Variants in SEMA6D observed in about 807,000 individuals in gnomAD.
SEMA6D encodes the protein semaphorin-6D.
SEMA6D carries 35 observed loss-of-function variants against 106.6 expected under a neutral mutation model. The ratio of observed to expected loss-of-function variants is 0.33; its 90% CI spans 0.25 to 0.44. The LOEUF is 0.44. Among genes scored for constraint, SEMA6D ranks in the 20% least tolerant of loss-of-function variants. The pLI, the probability that SEMA6D is intolerant of heterozygous loss-of-function variation, is 1.00. For synonymous variants in SEMA6D, 499 were observed against 487.7 expected, an observed-to-expected ratio of 1.02 and a Z score of -0.31; for missense variants, 1,185 against 1,345.9, an observed-to-expected ratio of 0.88 and a Z score of 1.87.
chr15:47,762,230 A>C lies in SEMA6D; in HGVS notation c.569A>C (p.Asp190Ala), dbSNP rs749713210. The C allele has an allele frequency of 6.2e-7, 1 of 1,613,546 alleles. No individual in the cohort carries two copies. Reference sequence around the variant, plus strand: ...AAGCTGTATTCTGCCACAGTGGCTGACTTCTTGGCCAGCGATGCCGTTATT... The same window carrying C: ...AAGCTGTATTCTGCCACAGTGGCTGCCTTCTTGGCCAGCGATGCCGTTATT... ...DGKLYSATVA[D>A]FLASDAVIYR... Residue 190 changes from aspartate (D) to alanine (A), a missense_variant, in exon 8 of 19, where the codon GAC becomes GCC. Asp to Ala is a moderately radical substitution (Grantham distance 126). Transcript: ENST00000536845.
intron 2 of SEMA6D, among the ~76,000 whole-genome samples, chr15:47,438,528 C>T (rs2041790690): frequency 6.6e-6 from 1 of 152,034 alleles, no homozygotes; most frequent in Admixed American, 6.6e-5. Context: ...CTAAAATCTC[C>T]CACCCCCTAT....
chr15:47,333,954 T>A (rs1355847784), intron 1 of SEMA6D, among the ~76,000 whole-genome samples: 1 of 152,160 alleles, frequency 6.6e-6, no homozygotes, highest in African/African-American at 2.4e-5. Context: ...AAACCCTCAT[T>A]CCAGAGATAT....
At chr15:47,421,289 A>G (rs918110364) in intron 2 of SEMA6D, among the ~76,000 whole-genome samples, 5 of 152,074 alleles carry the variant, frequency 3.3e-5, no homozygotes, top group African/African-American at 1.2e-4. Context: ...AGCATTGGAT[A>G]TGACAAGAAA....
chr15:47,351,598 A>C (rs557899), intron 1 of SEMA6D, among the ~76,000 whole-genome samples: 72,680 of 151,950 alleles, frequency 0.48, 20,715 homozygotes, highest in South Asian at 0.62. Flanking sequence ...TCTTCCTAAC[A>C]AATAGGCTAG....
intron 9 of SEMA6D, 24 bp downstream of exon 9, chr15:47,763,128 A>G (rs2082151428): frequency 6.4e-6 from 10 of 1,563,442 alleles, no homozygotes; most frequent in Non-Finnish European, 8.8e-6. Flanking sequence ...TTTGGCTTGA[A>G]TTGTGGACTT....
chr15:47,544,662 A>C (rs1337407250), intron 3 of SEMA6D, among the ~76,000 whole-genome samples: 1 of 152,022 alleles, frequency 6.6e-6, no homozygotes, highest in Non-Finnish European at 1.5e-5. Flanking sequence ...GGAATCAGGA[A>C]ACCTTCTGGA....
At chr15:47,634,866 C>T (rs2077357288) in intron 4 of SEMA6D, among the ~76,000 whole-genome samples, 1 of 152,152 alleles carries the variant, frequency 6.6e-6, no homozygotes, top group African/African-American at 2.4e-5. Context: ...ACTGAAACCT[C>T]CTAGGGGATG....
chr15:47,289,000 G>T (rs999308935), intron 1 of SEMA6D, among the ~76,000 whole-genome samples: 2 of 152,176 alleles, frequency 1.3e-5, no homozygotes, highest in Non-Finnish European at 2.9e-5. Context: ...TGAAGGGCGG[G>T]AGGGTGGAGA....
chr15:47,611,101 C>A lies in SEMA6D; in HGVS notation c.-55+10205C>A, dbSNP rs373885373. 4.0e-5 allele frequency among the ~76,000 whole-genome samples: 6 copies of A among 151,794 alleles called. No individual in the cohort carries two copies. In the East Asian group the frequency reaches 7.8e-4, roughly 20 times the overall value. ...GAGGCAACAGCAAAGGCACCTGAGTCAAGGTTGCACATAATTGATTAGCCT... is the reference window on the plus strand; with the variant it reads ...GAGGCAACAGCAAAGGCACCTGAGTAAAGGTTGCACATAATTGATTAGCCT... On this transcript the variant is annotated intron_variant, in intron 4 of 19. Coordinates refer to the SEMA6D transcript ENST00000558014.
intron 1 of SEMA6D, among the ~76,000 whole-genome samples, chr15:47,408,818 C>T (rs755694040): frequency 6.6e-6 from 1 of 152,170 alleles, no homozygotes; most frequent in Non-Finnish European, 1.5e-5. Context: ...GAGGGCAGCT[C>T]GAAGGAAGCA....
intron 1 of SEMA6D, among the ~76,000 whole-genome samples, chr15:47,206,459 C>G (rs1226366803): frequency 6.6e-6 from 1 of 152,098 alleles, no homozygotes; most frequent in Non-Finnish European, 1.5e-5. Flanking sequence ...AAGTTCAAAA[C>G]TTTTTTATTC....
chr15:47,220,107 G>A (rs1336307876), intron 1 of SEMA6D, among the ~76,000 whole-genome samples: 2 of 152,252 alleles, frequency 1.3e-5, no homozygotes, highest in African/African-American at 2.4e-5. Context: ...ATATTCTGTT[G>A]GCCAAAACAA....
chr15:47,632,377 C>A (rs772065418), intron 4 of SEMA6D, among the ~76,000 whole-genome samples: 1 of 151,750 alleles, frequency 6.6e-6, no homozygotes, highest in Non-Finnish European at 1.5e-5. Flanking sequence ...TTCTATTAGT[C>A]CTGTCAGTTG....
At chr15:47,769,026 G>C (rs1217702247) in intron 18 of SEMA6D, among the ~76,000 whole-genome samples, 2 of 152,204 alleles carry the variant, frequency 1.3e-5, no homozygotes, top group African/African-American at 4.8e-5. Context: ...CAGAGAGCCT[G>C]CTGGATTTCA....
At chr15:47,237,269 G>A (rs892026463) in intron 1 of SEMA6D, among the ~76,000 whole-genome samples, 2 of 152,112 alleles carry the variant, frequency 1.3e-5, no homozygotes, top group African/African-American at 4.8e-5. Flanking sequence ...AAGAACATGG[G>A]TAAGACATCT....
chr15:47,624,638 G>A (rs932214843), intron 4 of SEMA6D, among the ~76,000 whole-genome samples: 9 of 152,182 alleles, frequency 5.9e-5, no homozygotes, highest in African/African-American at 1.9e-4. Context: ...AATATAGGAT[G>A]GCTAAGCAGA....
intron 1 of SEMA6D, among the ~76,000 whole-genome samples, chr15:47,354,371 T>TTATA (rs544186437): frequency 7.1e-5 from 10 of 139,868 alleles, no homozygotes; most frequent in South Asian, 2.3e-4. Context: ...ATGTGAAAGC[T>TTATA]TATATATATA....
intron 1 of SEMA6D, among the ~76,000 whole-genome samples, chr15:47,307,737 G>A (rs557125147): frequency 2.6e-5 from 4 of 152,238 alleles, no homozygotes; most frequent in African/African-American, 7.2e-5. Flanking sequence ...AATGGTTTTC[G>A]TCTATATCTT....
intron 3 of SEMA6D, among the ~76,000 whole-genome samples, chr15:47,569,820 G>A (rs1275477708): frequency 6.6e-6 from 1 of 152,100 alleles, no homozygotes. Flanking sequence ...CAGTACTTTG[G>A]GAGAACAAGG....
Sources: gnomAD v4.1 joint callset for allele counts (sites outside exome capture counted in the v4.1 genomes callset) on GRCh38, gnomAD v4.1.1 for gene constraint, MANE v1.5 for transcripts, NCBI Gene and HGNC (gene_info 2026-07-23, HGNC 2026-07-21) for gene names.